Variants in JMJD1C observed in about 807,000 individuals in gnomAD.
The protein encoded by JMJD1C is jumonji domain containing 1C.
In JMJD1C, 31 loss-of-function variants were observed where a neutral mutation model predicts 245.3. The ratio of observed to expected loss-of-function variants is 0.13; its 90% CI spans 0.09 to 0.17. The LOEUF (loss-of-function observed/expected upper bound fraction) is 0.17. JMJD1C is among the 10% of genes least tolerant of loss of function. The probability of loss-of-function intolerance (pLI) is 1.00; values close to 1 mark genes in which losing one functional copy is unlikely to be tolerated. For missense variants in JMJD1C, 2,691 were observed against 3,000.2 expected, an observed-to-expected ratio of 0.90 and a Z score of 2.41; for synonymous variants, 1,057 against 1,017.4, an observed-to-expected ratio of 1.04 and a Z score of -0.74.
intron 1 of JMJD1C, among the ~76,000 whole-genome samples, chr10:63,497,727 G>A (rs546541881): frequency 3.6e-4 from 55 of 152,284 alleles, no homozygotes; most frequent in Non-Finnish European, 6.5e-4. Context: ...GAAGTAACAA[G>A]TCAATTTTCT....
intron 1 of JMJD1C, chr10:63,427,386 T>G: frequency 9.2e-7 from 1 of 1,089,534 alleles, no homozygotes; most frequent in Non-Finnish European, 1.3e-6. Context: ...CAAATCCCTA[T>G]AGCAAACATG....
intron 3 of JMJD1C, among the ~76,000 whole-genome samples, chr10:63,258,778 T>C (rs918130324): frequency 6.6e-6 from 1 of 152,218 alleles, no homozygotes; most frequent in Admixed American, 6.5e-5. Context: ...GTTCTTATCA[T>C]AGATTATAAA....
chr10:63,460,621 A>T (rs919876278), intron 1 of JMJD1C, among the ~76,000 whole-genome samples: 2 of 152,338 alleles, frequency 1.3e-5, no homozygotes, highest in African/African-American at 4.8e-5. Context: ...ATTTATGGAC[A>T]CCTAAGTAAA....
At chr10:63,395,860 A>G (rs2134648974) in intron 1 of JMJD1C, among the ~76,000 whole-genome samples, 1 of 152,292 alleles carries the variant, frequency 6.6e-6, no homozygotes, top group East Asian at 1.9e-4. Flanking sequence ...ACACTGTATA[A>G]TTCTATTCAT....
At chr10:63,269,516 G>A (rs1856029656) in intron 2 of JMJD1C, among the ~76,000 whole-genome samples, 1 of 152,084 alleles carries the variant, frequency 6.6e-6, no homozygotes, top group Non-Finnish European at 1.5e-5. Context: ...GAAATAACAT[G>A]TGACTATCTC....
chr10:63,326,774 G>T (rs1241654813), intron 2 of JMJD1C, among the ~76,000 whole-genome samples: 1 of 152,186 alleles, frequency 6.6e-6, no homozygotes, highest in African/African-American at 2.4e-5. Flanking sequence ...AGCTAATCGG[G>T]ATGCTGAGGC....
At chr10:63,470,433 T>C (rs541340724), upstream of JMJD1C, among the ~76,000 whole-genome samples, 3 of 152,316 alleles carry the variant, frequency 2.0e-5, no homozygotes, top group South Asian at 2.1e-4. Flanking sequence ...CTTTTCATCA[T>C]GGAGGTACAA....
chr10:63,289,201 A>G (rs1858350708), intron 2 of JMJD1C, among the ~76,000 whole-genome samples: 1 of 152,116 alleles, frequency 6.6e-6, no homozygotes. Context: ...CCTCAGCTAT[A>G]AAAAATCCAG....
intron 2 of JMJD1C, among the ~76,000 whole-genome samples, chr10:63,331,749 A>C (rs1300853292): frequency 2.6e-5 from 4 of 152,132 alleles, no homozygotes; most frequent in Non-Finnish European, 5.9e-5. Flanking sequence ...AGAAGCTGGG[A>C]CCACACCACA....
chr10:63,391,534 AACAAC>A (rs1948059205), intron 1 of JMJD1C, among the ~76,000 whole-genome samples: 2 of 151,868 alleles, frequency 1.3e-5, no homozygotes, highest in South Asian at 2.1e-4. Context: ...CAACAACAAC[AACAAC>A]AAAAAAGACA....
chr10:63,484,471 C>T, intron 1 of JMJD1C, among the ~76,000 whole-genome samples: 1 of 152,036 alleles, frequency 6.6e-6, no homozygotes, highest in Admixed American at 6.5e-5. Flanking sequence ...GCTATTTATA[C>T]CCTCCCACTT....
intron 3 of JMJD1C, among the ~76,000 whole-genome samples, chr10:63,232,584 C>T (rs937082354): frequency 6.6e-6 from 1 of 151,964 alleles, no homozygotes; most frequent in African/African-American, 2.4e-5. Context: ...CTATAAGCAA[C>T]CCACTGTTAT....
chr10:63,423,234 G>T (rs1214989292), intron 1 of JMJD1C, among the ~76,000 whole-genome samples: 2 of 151,976 alleles, frequency 1.3e-5, no homozygotes, highest in Admixed American at 1.3e-4. Flanking sequence ...CAAACTGCTG[G>T]GATTACAGGC....
intron 1 of JMJD1C, among the ~76,000 whole-genome samples, chr10:63,427,100 T>C (rs1266689320): frequency 6.6e-6 from 1 of 152,194 alleles, no homozygotes; most frequent in African/African-American, 2.4e-5. Flanking sequence ...GCATTTGCTA[T>C]ACACAACTCT....
At chr10:63,252,980 CAT>C (rs1397370284) in intron 3 of JMJD1C, among the ~76,000 whole-genome samples, 1 of 152,186 alleles carries the variant, frequency 6.6e-6, no homozygotes, top group African/African-American at 2.4e-5. Context: ...ATCTTAAAAA[CAT>C]ATGTTTCCTA....
rs778841187 is a variant in JMJD1C at position 63,184,752 on chromosome 10, A to G, written c.6831-14T>C. ...AGATCTTCGTATCTGAAGAAAAACA[A>G]CATTGCCTTCTTATAAATAAAGATT... On this transcript the variant is annotated splice_polypyrimidine_tract_variant and intron_variant, in intron 20 of 25. Coordinates refer to ENST00000399262, the MANE Select transcript of JMJD1C (RefSeq NM_032776.3). 1 of 1,594,242 alleles carries G rather than the reference A, an allele frequency of 6.3e-7. No homozygotes were observed. The highest frequency in any genetic ancestry group is 1.1e-5 in the South Asian group (1 of 87,646).
chr10:63,458,790 C>G (rs954375334), intron 1 of JMJD1C, among the ~76,000 whole-genome samples: 6 of 151,376 alleles, frequency 4.0e-5, no homozygotes, highest in African/African-American at 1.5e-4. Flanking sequence ...GTGGCATGAT[C>G]ATGGCTCAAT....
chr10:63,393,602 A>G (rs536366662), intron 1 of JMJD1C, among the ~76,000 whole-genome samples: 6 of 152,310 alleles, frequency 3.9e-5, no homozygotes, highest in African/African-American at 1.2e-4. Context: ...TTATTGCAGC[A>G]CTATTCACAA....
chr10:63,490,337 G>A (rs994232332), intron 1 of JMJD1C, among the ~76,000 whole-genome samples: 1 of 151,866 alleles, frequency 6.6e-6, no homozygotes, highest in African/African-American at 2.4e-5. Context: ...CACAGAAAGT[G>A]ACTCCTCAGT....
Sources: allele counts gnomAD v4.1 joint callset (sites outside exome capture counted in the v4.1 genomes callset), GRCh38; gene constraint gnomAD v4.1.1; transcripts MANE v1.5; gene names NCBI Gene and HGNC (gene_info 2026-07-23, HGNC 2026-07-21).